TOX: variants seen among roughly 807,000 people sequenced by gnomAD.
TOX encodes thymocyte selection-associated high mobility group box protein TOX.
TOX carries 11 observed loss-of-function variants against 53.7 expected under a neutral mutation model. The ratio of observed to expected loss-of-function variants is 0.20; its 90% CI spans 0.13 to 0.34. The LOEUF (loss-of-function observed/expected upper bound fraction) is 0.34. TOX is among the 10% of genes least tolerant of loss of function. TOX has a pLI of 1.00. For missense variants in TOX, 570 were observed against 664.6 expected, an observed-to-expected ratio of 0.86 and a Z score of 1.56; for synonymous variants, 225 against 245.3, an observed-to-expected ratio of 0.92 and a Z score of 0.77.
intron 1 of TOX, among the ~76,000 whole-genome samples, chr8:59,106,303 C>T (rs76271603): frequency 6.7e-6 from 1 of 148,614 alleles, no homozygotes; most frequent in African/African-American, 2.5e-5. Context: ...TCTAAGTACT[C>T]TTTAGGGGGG....
intron 1 of TOX, among the ~76,000 whole-genome samples, chr8:59,047,717 G>A (rs1803715481): frequency 6.6e-6 from 1 of 152,104 alleles, no homozygotes; most frequent in Non-Finnish European, 1.5e-5. Context: ...GGGACTACAG[G>A]AATATGACAG....
chr8:58,875,564 T>A (rs1811269174), intron 3 of TOX, among the ~76,000 whole-genome samples: 1 of 152,172 alleles, frequency 6.6e-6, no homozygotes, highest in African/African-American at 2.4e-5. Context: ...AAAAAGAGCA[T>A]AATAAGTTTA....
At position 58,993,611 on chromosome 8, in the gene TOX, C is replaced by G. The variant is rs140434289; in HGVS notation, c.103-33603G>C. On this transcript the variant is annotated intron_variant, in intron 1 of 8. Transcript: ENST00000361421. ...AGAAAATGAAAACAGTAATAACACCCAGAGGTAAGACCTGATGGAGCTCTA... is the reference window on the plus strand; with the variant it reads ...AGAAAATGAAAACAGTAATAACACCGAGAGGTAAGACCTGATGGAGCTCTA... Among the ~76,000 whole-genome samples, 457 of 152,262 alleles carry G rather than the reference C, an allele frequency of 3.0e-3. 1 individual carries two copies. Among genetic ancestry groups the G allele is most frequent in the Non-Finnish European group, 5.0e-3 (340 of 68,020 alleles).
chr8:59,018,245 G>A (rs771796749), intron 1 of TOX, among the ~76,000 whole-genome samples: 9 of 152,030 alleles, frequency 5.9e-5, no homozygotes, highest in Non-Finnish European at 1.0e-4. Context: ...CTTCTCAGGG[G>A]CAGACTTGAC....
chr8:58,973,827 T>C (rs1273557237), intron 1 of TOX, among the ~76,000 whole-genome samples: 3 of 151,994 alleles, frequency 2.0e-5, no homozygotes, highest in Admixed American at 6.6e-5. Flanking sequence ...AAATGGAGTC[T>C]CACTCTGTCA....
chr8:58,853,961 T>C (rs1426536935), intron 3 of TOX, among the ~76,000 whole-genome samples: 2 of 152,190 alleles, frequency 1.3e-5, no homozygotes, highest in Non-Finnish European at 1.5e-5. Context: ...TGTCCTCAAG[T>C]CCTGTATGTT....
At chr8:59,015,267 A>G (rs753909021) in intron 1 of TOX, among the ~76,000 whole-genome samples, 1 of 152,236 alleles carries the variant, frequency 6.6e-6, no homozygotes, top group Non-Finnish European at 1.5e-5. Context: ...TGCTAATATC[A>G]TGAGCCCCTA....
At chr8:59,067,799 C>T (rs893665086) in intron 1 of TOX, among the ~76,000 whole-genome samples, 1 of 151,982 alleles carries the variant, frequency 6.6e-6, no homozygotes, top group African/African-American at 2.4e-5. Context: ...TCCATTTTAC[C>T]TATTAATTTG....
At chr8:59,098,847 C>T (rs1804757714) in intron 1 of TOX, among the ~76,000 whole-genome samples, 1 of 152,140 alleles carries the variant, frequency 6.6e-6, no homozygotes, top group African/African-American at 2.4e-5. Context: ...TACAGGGAAA[C>T]ATTGGAGAAA....
At chr8:58,918,819 C>A (rs1368352945) in intron 3 of TOX, among the ~76,000 whole-genome samples, 1 of 137,628 alleles carries the variant, frequency 7.3e-6, no homozygotes, top group African/African-American at 2.8e-5. Context: ...TTGTCTCAGC[C>A]CAAAATCTCC....
At chr8:58,846,895 G>A (rs577618163) in intron 4 of TOX, among the ~76,000 whole-genome samples, 1 of 152,192 alleles carries the variant, frequency 6.6e-6, no homozygotes, top group Admixed American at 6.5e-5. Context: ...CCTTGTATGT[G>A]ACCTCCCAGA....
intron 1 of TOX, among the ~76,000 whole-genome samples, chr8:59,043,692 C>T (rs1389624768): frequency 2.6e-5 from 4 of 152,152 alleles, no homozygotes; most frequent in Non-Finnish European, 5.9e-5. Flanking sequence ...CATTATAGAG[C>T]ATGGAGGCAA....
chr8:59,086,072 G>A (rs191337993), intron 1 of TOX, among the ~76,000 whole-genome samples: 13 of 138,918 alleles, frequency 9.4e-5, no homozygotes, highest in East Asian at 4.7e-4. Flanking sequence ...TGCAACCTCC[G>A]CCTGTGGGGT....
chr8:59,078,479 C>T (rs549559076), intron 1 of TOX, among the ~76,000 whole-genome samples: 1 of 152,324 alleles, frequency 6.6e-6, no homozygotes, highest in East Asian at 1.9e-4. Flanking sequence ...CATTCTCTTG[C>T]TCCTGCTTTC....
At chr8:59,091,302 T>C (rs535682599) in intron 1 of TOX, among the ~76,000 whole-genome samples, 3 of 152,204 alleles carry the variant, frequency 2.0e-5, no homozygotes, top group Non-Finnish European at 2.9e-5. Context: ...CTTTCTCTTA[T>C]AACATCACTG....
intron 1 of TOX, 33 bp from the exon 2 acceptor site, chr8:58,960,041 T>A: frequency 1.9e-6 from 3 of 1,609,804 alleles, no homozygotes; most frequent in Non-Finnish European, 2.6e-6. Context: ...CATTCAGCAA[T>A]CTTGACTGCG....
chr8:58,905,907 G>A (rs187581454), intron 3 of TOX, among the ~76,000 whole-genome samples: 1 of 152,300 alleles, frequency 6.6e-6, no homozygotes, highest in African/African-American at 2.4e-5. Flanking sequence ...AGCAAGAACA[G>A]TAAAGCATCT....
chr8:58,994,391 A>AGT (rs34690974), intron 1 of TOX, among the ~76,000 whole-genome samples: 2,405 of 147,014 alleles, frequency 0.016, 27 homozygotes, highest in East Asian at 0.043. Context: ...CAAAATGCCA[A>AGT]GTGTGTGTGT....
rs181836864 is a variant in TOX, at chr8:58,854,851, C to G, written c.412-3046G>C. Among the ~76,000 whole-genome samples the G allele has an allele frequency of 1.4e-3, 220 of 152,160 alleles. 3 individuals carry two copies. Among genetic ancestry groups the G allele is most frequent in the African/African-American group, 5.0e-3 (207 of 41,518 alleles). Reference sequence around the variant, plus strand: ...TACCTTGTTTTCCTAAGAGACAGTTCAGTATTAATCACTGCCTAATGTATA... The same window carrying G: ...TACCTTGTTTTCCTAAGAGACAGTTGAGTATTAATCACTGCCTAATGTATA... On this transcript the variant is annotated intron_variant, in intron 3 of 8. Coordinates refer to ENST00000361421, the MANE Select transcript of TOX (RefSeq NM_014729.3).
Sources: allele counts gnomAD v4.1 joint callset (sites outside exome capture counted in the v4.1 genomes callset), GRCh38; gene constraint gnomAD v4.1.1; transcripts MANE v1.5; gene names NCBI Gene and HGNC (gene_info 2026-07-23, HGNC 2026-07-21).